Variants in DNAH14 observed in about 807,000 individuals in gnomAD.
The protein encoded by DNAH14 is dynein axonemal heavy chain 14.
In DNAH14, 478 loss-of-function variants were observed where a neutral mutation model predicts 520.9. The ratio of observed to expected loss-of-function variants is 0.92; its 90% CI spans 0.85 to 0.99. The LOEUF (loss-of-function observed/expected upper bound fraction) is 0.99. Among genes scored for constraint, DNAH14 ranks in the 50% least tolerant of loss-of-function variants. The pLI is 0.00. For synonymous variants in DNAH14, 1,581 were observed against 1,757.2 expected (o/e 0.90, Z 2.51); for missense variants, 4,831 against 5,234.5 (o/e 0.92, Z 2.38).
chr1:225,347,618 C>A (rs2095306438), intron 71 of DNAH14, among the ~76,000 whole-genome samples: 1 of 152,098 alleles, frequency 6.6e-6, no homozygotes, highest in African/African-American at 2.4e-5. Flanking sequence ...ATGCAAGCAG[C>A]ACATTAGACC....
intron 66 of DNAH14, among the ~76,000 whole-genome samples, chr1:225,336,233 A>T (rs1004438035): frequency 1.6e-4 from 25 of 151,612 alleles, no homozygotes; most frequent in African/African-American, 5.8e-4. Flanking sequence ...TATTATTTAT[A>T]AAATAAAACA....
At chr1:225,161,922 G>A (rs1408836114) in intron 35 of DNAH14, among the ~76,000 whole-genome samples, 1 of 152,142 alleles carries the variant, frequency 6.6e-6, no homozygotes, top group African/African-American at 2.4e-5. Context: ...TGTCAGATGG[G>A]TAGTTTGTAA....
intron 1 of DNAH14, among the ~76,000 whole-genome samples, chr1:224,940,277 T>A (rs1258830676): frequency 1.3e-5 from 2 of 152,184 alleles, no homozygotes; most frequent in Non-Finnish European, 2.9e-5. Context: ...GGCCTGGAAC[T>A]GGCTAATATT....
chr1:225,321,743 T>A (rs2094558509), intron 61 of DNAH14, among the ~76,000 whole-genome samples: 1 of 152,210 alleles, frequency 6.6e-6, no homozygotes, highest in African/African-American at 2.4e-5. Flanking sequence ...GTCAACTGAT[T>A]AAGACATAGT....
intron 21 of DNAH14, among the ~76,000 whole-genome samples, chr1:225,094,091 T>G (rs1417525052): frequency 6.6e-6 from 1 of 152,136 alleles, no homozygotes; most frequent in East Asian, 1.9e-4. Flanking sequence ...GTTCTTATCA[T>G]GCTACCAATG....
chr1:224,944,303 G>A (rs1273155162), intron 1 of DNAH14, among the ~76,000 whole-genome samples: 1 of 152,076 alleles, frequency 6.6e-6, no homozygotes, highest in East Asian at 1.9e-4. Flanking sequence ...TTTTATCTGA[G>A]ACTAGGATTG....
chr1:225,240,850 A>T, intron 43 of DNAH14, 28 bp downstream of exon 43: 1 of 1,398,248 alleles, frequency 7.2e-7, no homozygotes, highest in Non-Finnish European at 9.8e-7. Flanking sequence ...AATCATAACT[A>T]TACTTATTTT....
chr1:225,122,393 G>A (rs954468716), intron 26 of DNAH14, among the ~76,000 whole-genome samples: 3 of 152,124 alleles, frequency 2.0e-5, no homozygotes, highest in African/African-American at 7.2e-5. Context: ...AGTGCATGAA[G>A]TTCCTTCCCA....
intron 75 of DNAH14, among the ~76,000 whole-genome samples, chr1:225,362,292 G>A (rs1250170979): frequency 6.6e-6 from 1 of 151,866 alleles, no homozygotes; most frequent in African/African-American, 2.4e-5. Flanking sequence ...TCGTACTTCC[G>A]GGCCGGGCGC....
intron 66 of DNAH14, 145 bp downstream of exon 66, chr1:225,333,651 G>A (rs1248107548): frequency 5.4e-6 from 4 of 746,890 alleles, no homozygotes; most frequent in East Asian, 2.7e-5. Flanking sequence ...TGCAGGCCTC[G>A]ATTTTTTAAT....
intron 54 of DNAH14, among the ~76,000 whole-genome samples, chr1:225,282,858 G>T (rs1360684545): frequency 6.6e-6 from 1 of 152,072 alleles, no homozygotes; most frequent in Non-Finnish European, 1.5e-5. Flanking sequence ...TCATCCATTC[G>T]TGTGCTTTGC....
At position 225,346,050 on chromosome 1, in the gene DNAH14, A is replaced by G. The variant is rs2095281460; in HGVS notation, c.10767A>G (p.Thr3589=). The change falls in exon 70 of 86, where the codon ACA becomes ACG. Residue 3589 remains threonine (T), a synonymous_variant. Transcript: ENST00000682510. ...AAATTTCAAAGCGCATCGAAGCAAC[A>G]AAAAAAGCTGAAAGTGAAATCCAAG... ...SNEISKRIEA[T]KKAESEIQAI... The G allele has an allele frequency of 1.3e-6, 2 of 1,550,822 alleles. No individual in the cohort carries two copies. Among genetic ancestry groups the G allele is most frequent in the African/African-American group, 1.4e-5 (1 of 73,124 alleles).
At chr1:225,031,590 G>T (rs769091800) in intron 11 of DNAH14, among the ~76,000 whole-genome samples, 7 of 151,900 alleles carry the variant, frequency 4.6e-5, no homozygotes, top group Non-Finnish European at 1.0e-4. Flanking sequence ...AATATTAAAA[G>T]AATAAAAAAA....
chr1:225,181,019 A>G (rs1363602706), intron 36 of DNAH14, among the ~76,000 whole-genome samples: 1 of 152,068 alleles, frequency 6.6e-6, no homozygotes, highest in Non-Finnish European at 1.5e-5. Flanking sequence ...TGTTGTTCCC[A>G]AATTTCTGCC....
At chr1:225,183,974 A>T (rs564173200) in intron 36 of DNAH14, among the ~76,000 whole-genome samples, 2 of 152,172 alleles carry the variant, frequency 1.3e-5, no homozygotes, top group Admixed American at 6.5e-5. Flanking sequence ...AAAGATTCAC[A>T]GTCAAATTCT....
At chr1:225,074,217 T>C (rs1157193877) in intron 17 of DNAH14, among the ~76,000 whole-genome samples, 3 of 151,806 alleles carry the variant, frequency 2.0e-5, no homozygotes, top group African/African-American at 7.3e-5. Flanking sequence ...GCCGGGATGG[T>C]CTCGATCTCC....
At chr1:225,377,575 CA>C (rs777003549) in intron 79 of DNAH14, 139 bp downstream of exon 79, 200 of 758,804 alleles carry the variant, frequency 2.6e-4, no homozygotes, top group Non-Finnish European at 3.7e-4. Context: ...CTCTGAGCAA[CA>C]TGGTGAAACC....
intron 43 of DNAH14, among the ~76,000 whole-genome samples, chr1:225,246,417 G>C (rs957392293): frequency 1.3e-5 from 2 of 152,084 alleles, no homozygotes; most frequent in Non-Finnish European, 2.9e-5. Flanking sequence ...CACAGCAAAA[G>C]AAACTATCAT....
In DNAH14 at chr1:225,360,684, T is replaced by C. The variant is rs1377734399; in HGVS notation, c.11780T>C (p.Ile3927Thr). The C allele has an allele frequency of 6.4e-7, 1 of 1,551,604 alleles. No individual in the cohort carries two copies. Among genetic ancestry groups the C allele is most frequent in the Admixed American group, 2.0e-5 (1 of 51,010 alleles). The change falls in exon 75 of 86, where the codon ATC (isoleucine) becomes ACC (threonine). Residue 3927 changes from isoleucine (I) to threonine (T), a missense_variant. By Grantham distance (89) the Ile-to-Thr change is moderately conservative (BLOSUM62 -1). Transcript: ENST00000682510. ...TPLILIQTHG[I>T]DLTNILLRFA... ...ACCTCTCCACGTTGTTATACAGGGA[T>C]CGACCTTACCAATATCCTCCTGAGA...
Sources: allele counts gnomAD v4.1 joint callset (sites outside exome capture counted in the v4.1 genomes callset), GRCh38; gene constraint gnomAD v4.1.1; transcripts MANE v1.5; gene names NCBI Gene and HGNC (gene_info 2026-07-23, HGNC 2026-07-21).